Variants in GALNTL6 observed in about 807,000 individuals in gnomAD.
GALNTL6 encodes the protein polypeptide N-acetylgalactosaminyltransferase-like 6.
A neutral mutation model predicts 73.7 loss-of-function variants in GALNTL6; 46 were observed. The observed-to-expected ratio is 0.62, with a 90% CI of 0.49 to 0.80. The LOEUF (loss-of-function observed/expected upper bound fraction) is 0.80. GALNTL6 is among the 30% of genes least tolerant of loss of function. The pLI is 0.00. For synonymous variants in GALNTL6, 259 were observed against 263.7 expected, an observed-to-expected ratio of 0.98 and a Z score of 0.17; for missense variants, 604 against 755.0, an observed-to-expected ratio of 0.80 and a Z score of 2.34.
intron 5 of GALNTL6, among the ~76,000 whole-genome samples, chr4:172,729,862 G>A (rs1736046631): frequency 6.6e-6 from 1 of 152,082 alleles, no homozygotes; most frequent in Admixed American, 6.6e-5. Flanking sequence ...CAATCCATGA[G>A]CATAGACTAT....
intron 2 of GALNTL6, among the ~76,000 whole-genome samples, chr4:171,892,869 A>G (rs1736801709): frequency 6.6e-6 from 1 of 152,198 alleles, no homozygotes; most frequent in South Asian, 2.1e-4. Flanking sequence ...GCCACAGAGA[A>G]CATTTATTGA....
At chr4:172,910,869 AC>A (rs558180305) in intron 8 of GALNTL6, among the ~76,000 whole-genome samples, 188 of 152,260 alleles carry the variant, frequency 1.2e-3, no homozygotes, top group African/African-American at 4.3e-3. Context: ...TCCAGCCATC[AC>A]CAAAGCACTG....
intron 2 of GALNTL6, among the ~76,000 whole-genome samples, chr4:171,871,266 T>TA (rs142105238): frequency 0.23 from 34,535 of 151,892 alleles, 4,669 homozygotes; most frequent in African/African-American, 0.37. Flanking sequence ...TTCAATGTAT[T>TA]AAAAAATTAC....
intron 2 of GALNTL6, among the ~76,000 whole-genome samples, chr4:172,161,787 G>T (rs2110793477): frequency 6.6e-6 from 1 of 152,158 alleles, no homozygotes; most frequent in Admixed American, 6.6e-5. Context: ...AAGTGAGTTG[G>T]AAGGATACCA....
intron 3 of GALNTL6, among the ~76,000 whole-genome samples, chr4:172,253,114 CATT>C (rs1179753756): frequency 1.3e-5 from 2 of 151,544 alleles, no homozygotes; most frequent in African/African-American, 2.4e-5. Context: ...AAATAATAAG[CATT>C]ATTTTATTTT....
intron 2 of GALNTL6, among the ~76,000 whole-genome samples, chr4:172,040,923 C>T (rs1355095750): frequency 1.3e-5 from 2 of 151,994 alleles, no homozygotes; most frequent in Non-Finnish European, 2.9e-5. Context: ...CCTACAATAT[C>T]ATTTGTCTTA....
chr4:172,369,781 C>A (rs1397704683), intron 5 of GALNTL6, among the ~76,000 whole-genome samples: 1 of 152,186 alleles, frequency 6.6e-6, no homozygotes, highest in Non-Finnish European at 1.5e-5. Flanking sequence ...TCCCACCGAG[C>A]CTGCGCCCAC....
At chr4:172,429,086 T>C (rs1051302985) in intron 5 of GALNTL6, among the ~76,000 whole-genome samples, 5 of 151,978 alleles carry the variant, frequency 3.3e-5, no homozygotes, top group African/African-American at 1.2e-4. Context: ...ACAAGTTCTT[T>C]TATAAAGGAA....
intron 2 of GALNTL6, among the ~76,000 whole-genome samples, chr4:172,057,720 AAAAAAAAATATATATATATAT>A (rs1403786206): frequency 3.9e-5 from 3 of 77,450 alleles, no homozygotes; most frequent in African/African-American, 1.5e-4. Context: ...AAAAAAAAAA[AAAAAAAAATATATATATATAT>A]ATATATATAT....
intron 5 of GALNTL6, among the ~76,000 whole-genome samples, chr4:172,475,480 T>C (rs943402580): frequency 3.3e-5 from 5 of 152,128 alleles, no homozygotes; most frequent in African/African-American, 1.2e-4. Flanking sequence ...GGTGCAGTAT[T>C]AGACATCCAA....
At chr4:172,216,410 G>T (rs1052221643) in intron 2 of GALNTL6, among the ~76,000 whole-genome samples, 3 of 151,304 alleles carry the variant, frequency 2.0e-5, no homozygotes, top group Non-Finnish European at 4.4e-5. Context: ...ATGTCCTTTA[G>T]AAGTATTACT....
intron 2 of GALNTL6, among the ~76,000 whole-genome samples, chr4:171,907,699 C>T (rs1174601311): frequency 6.6e-6 from 1 of 151,224 alleles, no homozygotes; most frequent in African/African-American, 2.5e-5. Flanking sequence ...CAATCCTAAG[C>T]CAAAAGAACA....
chr4:172,063,634 T>C (rs997967447), intron 2 of GALNTL6, among the ~76,000 whole-genome samples: 1 of 152,168 alleles, frequency 6.6e-6, no homozygotes, highest in Non-Finnish European at 1.5e-5. Flanking sequence ...TTAAAGCAGG[T>C]CCCATCTCCT....
At chr4:172,073,585 TC>T (rs746660311) in intron 2 of GALNTL6, among the ~76,000 whole-genome samples, 7 of 152,186 alleles carry the variant, frequency 4.6e-5, no homozygotes, top group Non-Finnish European at 8.8e-5. Flanking sequence ...AACACCTCCT[TC>T]CCTCTAGAAT....
At chr4:171,963,864 AG>A (rs1196487757) in intron 2 of GALNTL6, among the ~76,000 whole-genome samples, 1 of 152,224 alleles carries the variant, frequency 6.6e-6, no homozygotes, top group Non-Finnish European at 1.5e-5. Flanking sequence ...TGAGAGCAGA[AG>A]CACTGAAGGC....
chr4:172,956,268 G>A (rs796720440), intron 10 of GALNTL6, among the ~76,000 whole-genome samples: 33 of 152,136 alleles, frequency 2.2e-4, no homozygotes, highest in African/African-American at 6.5e-4. Flanking sequence ...ATATTGTGGG[G>A]TTGTTAGAAG....
In GALNTL6 at chr4:172,348,564, G is replaced by A. The variant is rs762619608; in HGVS notation, c.428G>A (p.Ser143Asn). Residue 143 changes from serine (S) to asparagine (N), a missense_variant, in exon 5 of 13, where the codon AGC (serine) becomes AAC (asparagine). Physicochemically the swap from Ser to Asn is conservative, Grantham distance 46 (BLOSUM62 1). Around this residue, in one of 5 missense-constraint regions of GALNTL6, gnomAD observed 9 missense variants for 30.3 expected, o/e 0.30. Coordinates refer to ENST00000506823, the MANE Select transcript of GALNTL6 (RefSeq NM_001034845.3). ...TATCTGGAAAGGCTGCCAAACACCA[G>A]CATCATTATCCCATTTCATAATGAA... is the stretch of plus-strand genomic sequence containing the variant. ...KMYLERLPNT[S>N]IIIPFHNEGW... 17 of 1,612,598 alleles carry A rather than the reference G, an allele frequency of 1.1e-5. No homozygotes were observed. The highest frequency in any genetic ancestry group is 1.4e-5 in the Non-Finnish European group (17 of 1,178,928).
intron 2 of GALNTL6, among the ~76,000 whole-genome samples, chr4:171,966,715 C>G (rs62326335): frequency 0.21 from 31,920 of 151,972 alleles, 3,792 homozygotes; most frequent in Middle Eastern, 0.3. Flanking sequence ...TATTTCTTGC[C>G]TGGTTAAAAC....
chr4:172,064,261 C>T (rs546524092), intron 2 of GALNTL6, among the ~76,000 whole-genome samples: 1 of 152,118 alleles, frequency 6.6e-6, no homozygotes, highest in South Asian at 2.1e-4. Flanking sequence ...TGTTTTTCTC[C>T]CTCATTTGTT....
Sources: gnomAD v4.1 joint callset for allele counts (sites outside exome capture counted in the v4.1 genomes callset) on GRCh38, gnomAD v4.1.1 for gene constraint, gnomAD v4.1.1 regional missense constraint, MANE v1.5 for transcripts, NCBI Gene and HGNC (gene_info 2026-07-23, HGNC 2026-07-21) for gene names.